The following RBFOX1 variants were observed in gnomAD, a reference collection of about 807,000 sequenced individuals.
RBFOX1 encodes the protein RNA binding fox-1 homolog 1, also known as RNA binding protein fox-1 homolog 1.
A neutral mutation model predicts 57.7 loss-of-function variants in RBFOX1; 8 were observed. That is an observed-to-expected ratio of 0.14 (90% CI 0.08 to 0.25). RBFOX1 has a LOEUF of 0.25. Among genes scored for constraint, RBFOX1 ranks in the 10% least tolerant of loss-of-function variants. RBFOX1 has a pLI of 1.00. For synonymous variants in RBFOX1, 326 were observed against 222.4 expected (o/e 1.47, Z -4.15); for missense variants, 611 against 548.5 (o/e 1.11, Z -1.14).
intron 2 of RBFOX1, among the ~76,000 whole-genome samples, chr16:6,519,003 G>T (rs1277545094): frequency 1.3e-5 from 2 of 151,870 alleles, no homozygotes; most frequent in African/African-American, 4.8e-5. Context: ...TATTTTCTCA[G>T]TGGGCTCCCA....
intron 3 of RBFOX1, among the ~76,000 whole-genome samples, chr16:6,864,327 T>C (rs1237721547): frequency 1.3e-5 from 2 of 152,146 alleles, no homozygotes; most frequent in Non-Finnish European, 2.9e-5. Context: ...TCCAGTTATT[T>C]CAAGACAAAC....
chr16:7,351,033 A>T (rs1335607022), intron 4 of RBFOX1, among the ~76,000 whole-genome samples: 1 of 152,216 alleles, frequency 6.6e-6, no homozygotes, highest in East Asian at 1.9e-4. Context: ...CCCATGGACT[A>T]GGTTTTCCAT....
chr16:6,478,637 C>T (rs2095322803), intron 2 of RBFOX1, among the ~76,000 whole-genome samples: 1 of 151,080 alleles, frequency 6.6e-6, no homozygotes, highest in Non-Finnish European at 1.5e-5. Context: ...TGTGGCTCTT[C>T]CTTTCACCTG....
At chr16:5,365,548 A>G (rs565564569) in intron 1 of RBFOX1, among the ~76,000 whole-genome samples, 1 of 152,172 alleles carries the variant, frequency 6.6e-6, no homozygotes, top group African/African-American at 2.4e-5. Context: ...ATGTGCCTGT[A>G]GTCCCAGCTA....
At chr16:6,470,387 A>G (rs1398669931) in intron 2 of RBFOX1, among the ~76,000 whole-genome samples, 3 of 152,246 alleles carry the variant, frequency 2.0e-5, no homozygotes, top group Non-Finnish European at 4.4e-5. Context: ...ATGAAAGCTT[A>G]CTGATGGCAC....
intron 3 of RBFOX1, among the ~76,000 whole-genome samples, chr16:6,694,994 GA>G (rs1322502890): frequency 6.6e-6 from 1 of 152,064 alleles, no homozygotes; most frequent in Admixed American, 6.6e-5. Context: ...GGAAAAAAAT[GA>G]CACATAGACA....
intron 3 of RBFOX1, among the ~76,000 whole-genome samples, chr16:5,859,657 C>A (rs906341727): frequency 6.6e-6 from 1 of 152,262 alleles, no homozygotes; most frequent in East Asian, 1.9e-4. Context: ...CTCTGCCTAC[C>A]ATTGGCCAGC....
intron 4 of RBFOX1, among the ~76,000 whole-genome samples, chr16:7,492,711 A>T (rs1291791520): frequency 2.0e-5 from 3 of 151,748 alleles, no homozygotes; most frequent in East Asian, 1.9e-4. Context: ...TGGTAGTGGC[A>T]TGATAGTGAA....
chr16:7,491,217 C>T (rs550507285), intron 4 of RBFOX1, among the ~76,000 whole-genome samples: 40 of 152,178 alleles, frequency 2.6e-4, no homozygotes, highest in Non-Finnish European at 5.0e-4. Context: ...CGGGCATTGC[C>T]ACATCCCTTT....
intron 3 of RBFOX1, among the ~76,000 whole-genome samples, chr16:5,822,262 A>G (rs747526664): frequency 2.0e-5 from 3 of 152,174 alleles, no homozygotes; most frequent in Non-Finnish European, 4.4e-5. Context: ...GAATGATACA[A>G]TAGACTTTGG....
At chr16:7,618,971 G>A (rs1462307619) in intron 10 of RBFOX1, among the ~76,000 whole-genome samples, 1 of 152,152 alleles carries the variant, frequency 6.6e-6, no homozygotes, top group African/African-American at 2.4e-5. Context: ...AAAAGAATCA[G>A]CCAGAATTAA....
intron 4 of RBFOX1, among the ~76,000 whole-genome samples, chr16:7,094,100 T>G (rs1415081742): frequency 6.6e-6 from 1 of 150,954 alleles, no homozygotes; most frequent in Non-Finnish European, 1.5e-5. Flanking sequence ...AGCCCTTCTC[T>G]TCTTCATTTT....
At chr16:6,871,241 A>G (rs1047627864) in intron 3 of RBFOX1, among the ~76,000 whole-genome samples, 1 of 152,092 alleles carries the variant, frequency 6.6e-6, no homozygotes, top group African/African-American at 2.4e-5. Context: ...GCTGGAGTGC[A>G]TTGGCATGAT....
intron 4 of RBFOX1, among the ~76,000 whole-genome samples, chr16:7,478,358 A>AG (rs1176861025): frequency 1.3e-5 from 2 of 152,250 alleles, no homozygotes; most frequent in African/African-American, 2.4e-5. Flanking sequence ...AGGTGGCCCA[A>AG]GGGAAAAAAA....
At chr16:6,191,403 A>G (rs1367664651) in intron 1 of RBFOX1, among the ~76,000 whole-genome samples, 2 of 152,026 alleles carry the variant, frequency 1.3e-5, no homozygotes, top group East Asian at 1.9e-4. Flanking sequence ...CCAGATTTTG[A>G]CTTTGAGTCA....
chr16:5,289,561 A>C (rs753274985), intron 1 of RBFOX1, among the ~76,000 whole-genome samples: 1 of 152,240 alleles, frequency 6.6e-6, no homozygotes, highest in Non-Finnish European at 1.5e-5. Context: ...TATTCCAATT[A>C]CCTTCACTTC....
At chr16:6,901,956 C>T (rs1416211347) in intron 3 of RBFOX1, among the ~76,000 whole-genome samples, 2 of 152,064 alleles carry the variant, frequency 1.3e-5, no homozygotes, top group Non-Finnish European at 2.9e-5. Context: ...AAAATGGCAC[C>T]TTCAGAAATA....
At chr16:5,328,501 C>T (rs1482820147) in intron 1 of RBFOX1, among the ~76,000 whole-genome samples, 2 of 152,236 alleles carry the variant, frequency 1.3e-5, no homozygotes, top group East Asian at 3.8e-4. Flanking sequence ...GATGGAATGC[C>T]TTCAAGAATA....
chr16:7,114,808 G>T lies in RBFOX1; in HGVS notation c.27+62710G>T, dbSNP rs190963110. On this transcript the variant is annotated intron_variant, in intron 4 of 15. Transcript: ENST00000550418. ...GCTAACTCGTTGTCCTAAGTTTTAGGTGTGATAGCTGTAGTGGTTTTCATG... is the reference window on the plus strand; with the variant it reads ...GCTAACTCGTTGTCCTAAGTTTTAGTTGTGATAGCTGTAGTGGTTTTCATG... Among the ~76,000 whole-genome samples, 805 of 152,276 alleles carry T rather than the reference G, an allele frequency of 5.3e-3. 14 individuals are homozygous for T. The highest frequency in any genetic ancestry group is 0.021 in the South Asian group (100 of 4,818).
Sources: gnomAD v4.1 joint callset for allele counts (sites outside exome capture counted in the v4.1 genomes callset) on GRCh38, gnomAD v4.1.1 for gene constraint, MANE v1.5 for transcripts, NCBI Gene and HGNC (gene_info 2026-07-23, HGNC 2026-07-21) for gene names.